CCDC181: variants seen among roughly 807,000 people sequenced by gnomAD.
The protein encoded by CCDC181 is coiled-coil domain containing 181, also known as coiled-coil domain-containing protein 181.
A neutral mutation model predicts 58.7 loss-of-function variants in CCDC181; 35 were observed. The ratio of observed to expected loss-of-function variants is 0.60; its 90% CI spans 0.46 to 0.79. The LOEUF is 0.79. CCDC181 is among the 30% of genes least tolerant of loss of function. The pLI, the probability that CCDC181 is intolerant of heterozygous loss-of-function variation, is 0.00. For synonymous variants in CCDC181, 183 were observed against 197.5 expected (o/e 0.93, Z 0.62); for missense variants, 517 against 583.9 (o/e 0.89, Z 1.18).
At chr1:169,430,415 A>G (rs558322978), upstream of CCDC181, among the ~76,000 whole-genome samples, 10 of 152,336 alleles carry the variant, frequency 6.6e-5, no homozygotes, top group African/African-American at 2.2e-4. Context: ...GATTCTACCC[A>G]TCTATGAGCA....
intron 2 of CCDC181, among the ~76,000 whole-genome samples, chr1:169,447,440 CA>C (rs1427953708): frequency 6.6e-6 from 1 of 152,090 alleles, no homozygotes; most frequent in East Asian, 1.9e-4. Flanking sequence ...TTTTGTAGCT[CA>C]AATGTAACCT....
intron 2 of CCDC181, among the ~76,000 whole-genome samples, chr1:169,438,185 C>T (rs1159814702): frequency 1.4e-5 from 2 of 141,696 alleles, no homozygotes; most frequent in African/African-American, 5.2e-5. Flanking sequence ...CAGCCTAAGA[C>T]TAGCCTCACA....
chr1:169,420,488 T>C (rs1180715031), intron 3 of CCDC181, among the ~76,000 whole-genome samples: 1 of 151,888 alleles, frequency 6.6e-6, no homozygotes, highest in African/African-American at 2.4e-5. Context: ...TAACACACCA[T>C]TTCTCAAGGG....
At chr1:169,400,959 A>G (rs1166081230) in intron 4 of CCDC181, among the ~76,000 whole-genome samples, 1 of 152,056 alleles carries the variant, frequency 6.6e-6, no homozygotes, top group Admixed American at 6.6e-5. Flanking sequence ...CCAATACTAC[A>G]CTTTTCCAAC....
At chr1:169,399,694 A>G (rs1008001825) in intron 4 of CCDC181, among the ~76,000 whole-genome samples, 1 of 152,232 alleles carries the variant, frequency 6.6e-6, no homozygotes, top group African/African-American at 2.4e-5. Context: ...GCATCCATCC[A>G]TGATATCATA....
At chr1:169,417,032 T>C (rs942023579) in intron 4 of CCDC181, among the ~76,000 whole-genome samples, 8 of 152,110 alleles carry the variant, frequency 5.3e-5, no homozygotes, top group African/African-American at 1.9e-4. Flanking sequence ...GCTATATAAA[T>C]AGAAAAACCA....
chr1:169,418,689 GACCAGTCTCTA>G, intron 4 of CCDC181: 1 of 332,736 alleles, frequency 3.0e-6, no homozygotes, highest in Non-Finnish European at 5.4e-6. Context: ...TCTTAAGTGA[GACCAGTCTCTA>G]GGGTTTTGTG....
intron 2 of CCDC181, among the ~76,000 whole-genome samples, chr1:169,435,035 G>T (rs559219562): frequency 6.6e-6 from 1 of 152,136 alleles, no homozygotes; most frequent in African/African-American, 2.4e-5. Context: ...TGTTTGCATA[G>T]CAGTGTGAAT....
At chr1:169,414,592 A>G (rs551083329) in intron 4 of CCDC181, among the ~76,000 whole-genome samples, 1 of 152,338 alleles carries the variant, frequency 6.6e-6, no homozygotes, top group African/African-American at 2.4e-5. Context: ...ATACATATAT[A>G]TCACTGAGCA....
chr1:169,424,521 T>A (rs1656630633), intron 2 of CCDC181, among the ~76,000 whole-genome samples: 1 of 151,720 alleles, frequency 6.6e-6, no homozygotes, highest in Non-Finnish European at 1.5e-5. Context: ...AAATCATGAT[T>A]TTACTATTTA....
At chr1:169,435,261 T>C (rs1373029800) in intron 2 of CCDC181, among the ~76,000 whole-genome samples, 1 of 152,102 alleles carries the variant, frequency 6.6e-6, no homozygotes, top group Admixed American at 6.6e-5. Flanking sequence ...TAATATGAAA[T>C]GTCCAGAATA....
chr1:169,409,201 T>C (rs1655827678), intron 4 of CCDC181, among the ~76,000 whole-genome samples: 1 of 152,134 alleles, frequency 6.6e-6, no homozygotes, highest in Non-Finnish European at 1.5e-5. Flanking sequence ...ATAAATGACC[T>C]GATGGAGCTG....
At chr1:169,423,079 T>TATA (rs377436139) in intron 2 of CCDC181, among the ~76,000 whole-genome samples, 40,562 of 146,758 alleles carry the variant, frequency 0.28, 6,684 homozygotes, top group Non-Finnish European at 0.38. Context: ...ATATATATAT[T>TATA]TTTTCTCTTT....
intron 2 of CCDC181, among the ~76,000 whole-genome samples, chr1:169,438,497 A>G (rs1445088572): frequency 6.6e-6 from 1 of 152,232 alleles, no homozygotes; most frequent in East Asian, 1.9e-4. Flanking sequence ...AAAGATTCTC[A>G]GTTTTGCAAG....
At chr1:169,440,826 T>C (rs955704076) in intron 2 of CCDC181, among the ~76,000 whole-genome samples, 4 of 150,794 alleles carry the variant, frequency 2.7e-5, no homozygotes, top group African/African-American at 9.8e-5. Flanking sequence ...CCCAGCTACT[T>C]GGGAAGCTGA....
chr1:169,445,005 G>A (rs899632177), intron 2 of CCDC181, among the ~76,000 whole-genome samples: 4 of 152,032 alleles, frequency 2.6e-5, no homozygotes, highest in Non-Finnish European at 4.4e-5. Flanking sequence ...TACATAATCA[G>A]GCCCCTTCTC....
At chr1:169,420,096 T>A (rs1452351701) in intron 3 of CCDC181, among the ~76,000 whole-genome samples, 1 of 152,202 alleles carries the variant, frequency 6.6e-6, no homozygotes, top group East Asian at 1.9e-4. Flanking sequence ...AAGACTAACA[T>A]CAGTTCATTA....
intron 2 of CCDC181, among the ~76,000 whole-genome samples, chr1:169,441,292 C>A (rs1342494237): frequency 2.6e-5 from 4 of 151,982 alleles, no homozygotes; most frequent in African/African-American, 7.3e-5. Flanking sequence ...GATACTTAAT[C>A]ACGAAAATGG....
intron 4 of CCDC181, among the ~76,000 whole-genome samples, chr1:169,405,291 G>T (rs1655585630): frequency 1.3e-5 from 2 of 152,132 alleles, no homozygotes; most frequent in African/African-American, 2.4e-5. Context: ...TTTCTTCACA[G>T]AATGGAAAAA....
Sources: gnomAD v4.1 joint callset for allele counts (sites outside exome capture counted in the v4.1 genomes callset) on GRCh38, gnomAD v4.1.1 for gene constraint, MANE v1.5 for transcripts, NCBI Gene and HGNC (gene_info 2026-07-23, HGNC 2026-07-21) for gene names.